Variants in CAND2 observed in about 807,000 individuals in gnomAD.
CAND2 encodes cullin associated and neddylation dissociated 2 (putative).
In CAND2, 62 loss-of-function variants were observed where a neutral mutation model predicts 98.9. The ratio of observed to expected loss-of-function variants is 0.63; its 90% CI spans 0.51 to 0.77. CAND2 has a LOEUF of 0.77. Ranked by LOEUF, CAND2 falls within the 30% of genes least tolerant of loss-of-function variation. The probability of loss-of-function intolerance (pLI) is 0.00; values close to 1 mark genes in which losing one functional copy is unlikely to be tolerated. For synonymous variants in CAND2, 770 were observed against 731.9 expected, an observed-to-expected ratio of 1.05 and a Z score of -0.84; for missense variants, 1,501 against 1,655.2, an observed-to-expected ratio of 0.91 and a Z score of 1.62.
At chr3:12,816,036 C>T (rs751787749) in intron 9 of CAND2, 28 bp downstream of exon 9, 2 of 1,604,592 alleles carry the variant, frequency 1.2e-6, no homozygotes, top group Admixed American at 3.4e-5. Context: ...CAGGTATCTG[C>T]TGTTCTGGGC....
intron 3 of CAND2, among the ~76,000 whole-genome samples, chr3:12,807,716 T>A (rs1223474572): frequency 1.3e-5 from 2 of 152,170 alleles, no homozygotes; most frequent in Non-Finnish European, 2.9e-5. Context: ...TGGTTTTTCC[T>A]CACATGGCAA....
chr3:12,815,375 T>C lies in CAND2; in HGVS notation c.1241T>C (p.Leu414Pro). 1 of 1,613,850 alleles carries C rather than the reference T, an allele frequency of 6.2e-7. No homozygotes were observed. Among genetic ancestry groups the C allele is most frequent in the Non-Finnish European group, 8.5e-7 (1 of 1,180,026 alleles). The change falls in exon 8 of 15, where the codon CTG becomes CCG. Residue 414 changes from leucine (L) to proline (P), a missense_variant. Leu to Pro is a moderately conservative substitution (Grantham distance 98). This residue lies in a region of CAND2 where 1,427 missense variants were observed against 1,545.3 expected (regional missense o/e 0.92). Coordinates refer to ENST00000456430, the MANE Select transcript of CAND2 (RefSeq NM_001162499.2). The surrounding 1 kb of genome is among the most constrained non-coding windows in gnomAD (Gnocchi z 5.7). The part of the protein sequence containing the change: ...LRQTQPPKGW[L>P]EAMEEPTQTG... ...CAAACACAGCCCCCGAAGGGATGGC[T>C]GGAGGCCATGGAGGAACCCACCCAG...
Position 12,831,350 on chromosome 3 carries a change from TG to T in CAND2, c.3376-113del. On this transcript the variant is annotated intron_variant, in intron 13 of 14. Coordinates refer to ENST00000456430, the MANE Select transcript of CAND2 (RefSeq NM_001162499.2). ...GAGAGACTCTGGCAGGACTTCACGGTGGTCTGAACTTGGGCTTCAGGTTTCA... is the reference window on the plus strand; with the variant it reads ...GAGAGACTCTGGCAGGACTTCACGGTGTCTGAACTTGGGCTTCAGGTTTCA... The T allele has an allele frequency of 3.9e-6, 3 of 767,400 alleles. 1 individual carries two copies. The South Asian group carries it at 4.5e-5, about 11-fold the overall frequency. The allele number at this position is 767,400 out of a possible 1,614,324, so 47.5% of individuals were successfully genotyped here.
In CAND2 at chr3:12,809,946, T is replaced by C. The variant is rs76920934; in HGVS notation, c.492-113T>C. ...CAGGGCACCTCTTTTGCAAGGGCCA[T>C]TGAGTTGCCATAATCCTGGGAAGGA... On this transcript the variant is annotated intron_variant, in intron 4 of 14. Coordinates refer to ENST00000456430, the MANE Select transcript of CAND2 (RefSeq NM_001162499.2). 0.014 allele frequency: 16,532 copies of C among 1,199,730 alleles called. 601 individuals carry two copies. In the East Asian group the frequency reaches 0.16, roughly 12 times the overall value. 74.3% of individuals were successfully genotyped at this position (1,199,730 alleles called of 1,614,324 possible).
At chr3:12,800,451 G>A (rs918037724) in intron 1 of CAND2, among the ~76,000 whole-genome samples, 3 of 152,196 alleles carry the variant, frequency 2.0e-5, no homozygotes, top group Admixed American at 6.5e-5. Context: ...GGGTGGTAGA[G>A]TGGCCCAGCA....
chr3:12,830,369 G>A (rs996040337), intron 13 of CAND2, among the ~76,000 whole-genome samples: 1 of 152,212 alleles, frequency 6.6e-6, no homozygotes, highest in African/African-American at 2.4e-5. Context: ...GGCTCCAGAC[G>A]GGAGGGGTGT....
In CAND2 at chr3:12,815,894, C is replaced by A. The variant is rs753774394; in HGVS notation, c.1327C>A (p.Arg443=). Reference sequence around the variant, plus strand: ...GCCCCTTGTGGTCAAGGCCCTGCAGCGGCAGCTTAAAGATCGGAGCGTCAG... The same window carrying A: ...GCCCCTTGTGGTCAAGGCCCTGCAGAGGCAGCTTAAAGATCGGAGCGTCAG... ...QVPLVVKALQ[R]QLKDRSVRAR... is the part of the protein sequence containing the mutation. Residue 443 remains arginine, a synonymous_variant, in exon 9 of 15, where the codon CGG becomes AGG. Coordinates refer to ENST00000456430, the MANE Select transcript of CAND2 (RefSeq NM_001162499.2). The surrounding 1 kb of genome is among the most constrained non-coding windows in gnomAD (Gnocchi z 5.7). 6.2e-7 allele frequency: 1 copy of A among 1,613,732 alleles called. No homozygotes were observed. The highest frequency in any genetic ancestry group is 1.1e-5 in the South Asian group (1 of 91,062).
At chr3:12,819,971 G>A (rs80093501) in intron 10 of CAND2, 115 bp from the exon 11 acceptor site, 13,032 of 756,862 alleles carry the variant, frequency 0.017, 187 homozygotes, top group South Asian at 0.041. Context: ...AGATGGGGAG[G>A]GGGTACAGTT....
chr3:12,820,135 C>T lies in CAND2; in HGVS notation c.2994C>T (p.Ile998=), dbSNP rs1224670894. 2 of 1,614,210 alleles carry T rather than the reference C, an allele frequency of 1.2e-6. No individual in the cohort carries two copies. The highest frequency in any genetic ancestry group is 1.7e-6 in the Non-Finnish European group (2 of 1,180,018). Residue 998 remains isoleucine (I), a synonymous_variant, in exon 11 of 15, where the codon ATC becomes ATT. Coordinates refer to ENST00000456430, the MANE Select transcript of CAND2 (RefSeq NM_001162499.2). ...STVITAVKFL[I]SDQPHPIDPL... ...TCATCACAGCGGTCAAGTTCCTTAT[C>T]TCGGACCAGCCCCATCCCATTGACC...
chr3:12,808,768 T>TAGTG (rs1280712123), intron 4 of CAND2, among the ~76,000 whole-genome samples: 11 of 152,072 alleles, frequency 7.2e-5, no homozygotes, highest in Non-Finnish European at 4.4e-5. Context: ...AGCTGAGCCT[T>TAGTG]CGAGGAGGGG....
chr3:12,802,885 G>A (rs941742332), intron 1 of CAND2, among the ~76,000 whole-genome samples: 4 of 151,918 alleles, frequency 2.6e-5, no homozygotes, highest in Non-Finnish European at 5.9e-5. Flanking sequence ...GTAGGCAGTT[G>A]TAACAGAGTG....
At chr3:12,805,225 T>A (rs2061797625) in intron 2 of CAND2, among the ~76,000 whole-genome samples, 2 of 151,834 alleles carry the variant, frequency 1.3e-5, no homozygotes, top group Admixed American at 6.6e-5. Flanking sequence ...CAGGGGGTGT[T>A]GGGGACTCAG....
Position 12,815,027 on chromosome 3 carries a change from C to A in CAND2, c.1007-114C>A. On this transcript the variant is annotated intron_variant, in intron 7 of 14. Transcript: ENST00000456430. The surrounding 1 kb of genome is among the most constrained non-coding windows in gnomAD (Gnocchi z 5.7). ...CCATAGGGTATCTATAAATGCTGAT[C>A]ATCAAAAAGTGAAGCACAGTGCCCA... 9.7e-7 allele frequency: 1 copy of A among 1,033,294 alleles called. No individual in the cohort carries two copies. Among genetic ancestry groups the A allele is most frequent in the Non-Finnish European group, 1.4e-6 (1 of 703,640 alleles). 64.0% of individuals were successfully genotyped at this position (1,033,294 alleles called of 1,614,324 possible).
At chr3:12,830,820 C>T (rs2062046837) in intron 13 of CAND2, among the ~76,000 whole-genome samples, 1 of 152,172 alleles carries the variant, frequency 6.6e-6, no homozygotes, top group Non-Finnish European at 1.5e-5. Flanking sequence ...CTCCTTGCTG[C>T]CGTGGGCTGG....
chr3:12,827,024 A>G (rs1385419729), intron 12 of CAND2, among the ~76,000 whole-genome samples: 1 of 151,840 alleles, frequency 6.6e-6, no homozygotes, highest in Middle Eastern at 3.4e-3. Flanking sequence ...GTAGAGGTGA[A>G]GTTTCGCCAT....
At chr3:12,799,692 G>A (rs912528844) in intron 1 of CAND2, among the ~76,000 whole-genome samples, 1 of 152,188 alleles carries the variant, frequency 6.6e-6, no homozygotes, top group Non-Finnish European at 1.5e-5. Context: ...TAAACCTGAT[G>A]AGCCTCTGCC....
At chr3:12,797,055 A>C in intron 1 of CAND2, among the ~76,000 whole-genome samples, 1 of 145,968 alleles carries the variant, frequency 6.9e-6, no homozygotes, top group African/African-American at 2.6e-5. Context: ...CTTCAGCCCT[A>C]CCTCTCACCC....
At chr3:12,832,341 C>G (rs546777137) in intron 14 of CAND2, 1 of 152,278 alleles carries the variant, frequency 6.6e-6, no homozygotes, top group South Asian at 2.1e-4. Flanking sequence ...AGGGCCAGGC[C>G]AGTTTTGACA....
At position 12,816,371 on chromosome 3, in the gene CAND2, C is replaced by T; in HGVS notation, c.1442-3C>T. ...CCTCATAACCTTTGCATTCACCCTG[C>T]AGGCATCATCTTCTCGCTGGCCGAC... On this transcript the variant is annotated splice_polypyrimidine_tract_variant and splice_region_variant and intron_variant, in intron 9 of 14. Coordinates refer to ENST00000456430, the MANE Select transcript of CAND2 (RefSeq NM_001162499.2). 1 of 1,606,160 alleles carries T rather than the reference C, an allele frequency of 6.2e-7. No individual in the cohort carries two copies. The highest frequency in any genetic ancestry group is 8.5e-7 in the Non-Finnish European group (1 of 1,176,344).
Sources: gnomAD v4.1 joint callset for allele counts (sites outside exome capture counted in the v4.1 genomes callset) on GRCh38, gnomAD v4.1.1 for gene constraint, gnomAD v4.1.1 regional missense constraint, Gnocchi (gnomAD v3.1) non-coding constraint, MANE v1.5 for transcripts, NCBI Gene and HGNC (gene_info 2026-07-23, HGNC 2026-07-21) for gene names.